Variants in RPS6KA5 observed in about 807,000 individuals in gnomAD.
The protein encoded by RPS6KA5 is ribosomal protein S6 kinase alpha-5.
In RPS6KA5, 27 loss-of-function variants were observed where a neutral mutation model predicts 85.5. The ratio of observed to expected loss-of-function variants is 0.32; its 90% CI spans 0.23 to 0.44. RPS6KA5 has a LOEUF of 0.44. Among genes scored for constraint, RPS6KA5 ranks in the 20% least tolerant of loss-of-function variants. The pLI, the probability that RPS6KA5 is intolerant of heterozygous loss-of-function variation, is 1.00. For synonymous variants in RPS6KA5, 334 were observed against 348.2 expected (o/e 0.96, Z 0.46); for missense variants, 811 against 980.9 (o/e 0.83, Z 2.31).
At chr14:90,952,796 G>A (rs1405088032) in intron 3 of RPS6KA5, among the ~76,000 whole-genome samples, 1 of 152,214 alleles carries the variant, frequency 6.6e-6, no homozygotes, top group Non-Finnish European at 1.5e-5. Context: ...GGGTAGGGAA[G>A]ATAATTTATC....
chr14:91,030,347 C>T (rs374600626), intron 1 of RPS6KA5, among the ~76,000 whole-genome samples: 8 of 151,932 alleles, frequency 5.3e-5, no homozygotes, highest in Admixed American at 2.6e-4. Context: ...AGTCTACACA[C>T]GCGCTGTTGG....
chr14:90,970,275 ACTGT>A (rs1164263480), intron 3 of RPS6KA5, among the ~76,000 whole-genome samples: 12 of 152,338 alleles, frequency 7.9e-5, no homozygotes, highest in East Asian at 7.7e-4. Flanking sequence ...GTTTTCAGTT[ACTGT>A]CTGTTTCGTC....
rs562360365 is a variant in RPS6KA5, at chr14:90,873,662, G to A, written c.2130C>T (p.Ala710=). ...AGGTTGCTTTCACACAGGTATGCAC[G>A]GCAGCTCCGGAAGATCCTAGAATAT... ...TPDILGSSGA[A]VHTCVKATFH... is the part of the protein sequence containing the mutation. Residue 710 remains alanine (A), a synonymous_variant, in exon 16 of 17, where the codon GCC becomes GCT. Transcript: ENST00000614987. 40 of 1,613,996 alleles carry A rather than the reference G, an allele frequency of 2.5e-5. No homozygotes were observed. The highest frequency in any genetic ancestry group is 3.3e-5 in the Non-Finnish European group (39 of 1,180,008).
intron 1 of RPS6KA5, among the ~76,000 whole-genome samples, chr14:91,034,345 T>G (rs1452872215): frequency 1.3e-5 from 2 of 151,830 alleles, no homozygotes; most frequent in Non-Finnish European, 2.9e-5. Flanking sequence ...CCCAAAATAT[T>G]CATATTATTC....
intron 1 of RPS6KA5, among the ~76,000 whole-genome samples, chr14:91,059,102 C>A (rs918083620): frequency 1.3e-5 from 2 of 152,048 alleles, no homozygotes; most frequent in African/African-American, 2.4e-5. Context: ...CCGAGGCGGG[C>A]GGATCACTTG....
chr14:91,034,379 G>T (rs536549199), intron 1 of RPS6KA5, among the ~76,000 whole-genome samples: 1 of 152,044 alleles, frequency 6.6e-6, no homozygotes, highest in African/African-American at 2.4e-5. Flanking sequence ...GTGATGAGAG[G>T]TGAAGCCAGC....
intron 1 of RPS6KA5, among the ~76,000 whole-genome samples, chr14:91,051,798 A>C (rs991708686): frequency 6.8e-6 from 1 of 146,686 alleles, no homozygotes; most frequent in South Asian, 2.1e-4. Context: ...CGAAAGATTT[A>C]AAAAAAAAAG....
chr14:91,051,901 A>C (rs771805262), intron 1 of RPS6KA5, among the ~76,000 whole-genome samples: 2 of 151,210 alleles, frequency 1.3e-5, no homozygotes, highest in African/African-American at 2.4e-5. Flanking sequence ...CTTCATACTC[A>C]GTGGTAGAAG....
At chr14:91,042,437 G>A (rs1686381638) in intron 1 of RPS6KA5, among the ~76,000 whole-genome samples, 1 of 152,056 alleles carries the variant, frequency 6.6e-6, no homozygotes, top group African/African-American at 2.4e-5. Flanking sequence ...CTTAAACCTG[G>A]GAGGCAGAGG....
chr14:90,920,537 G>A (rs1415932153), intron 6 of RPS6KA5, among the ~76,000 whole-genome samples: 2 of 151,666 alleles, frequency 1.3e-5, no homozygotes, highest in South Asian at 2.1e-4. Flanking sequence ...ACTAGTAACC[G>A]TTTACCTTGA....
At chr14:90,942,660 G>T (rs76025802) in intron 5 of RPS6KA5, among the ~76,000 whole-genome samples, 17 of 152,010 alleles carry the variant, frequency 1.1e-4, no homozygotes, top group African/African-American at 4.1e-4. Flanking sequence ...CTTGTCAAGC[G>T]AATTCAAAGG....
chr14:90,851,544 T>G lies in RPS6KA5; in HGVS notation c.*20530A>C, dbSNP rs2031998236. 6.6e-6 allele frequency: 1 copy of G among 152,100 alleles called. No homozygotes were observed. Among genetic ancestry groups the G allele is most frequent in the African/African-American group, 2.4e-5 (1 of 41,402 alleles). The allele number at this position is 152,100 out of a possible 1,614,324, so 9.4% of individuals were successfully genotyped here. A position where few individuals can be genotyped will look rare whatever the true frequency, so the allele number is the denominator to read the frequency against. ...TGGAGGCAAAGGGAGGCTGAGTGAT[T>G]TGCTCAGGGTCACCAAGTCTGCAGC... On this transcript the variant is annotated 3_prime_UTR_variant, in exon 17 of 17. Coordinates refer to ENST00000614987, the MANE Select transcript of RPS6KA5 (RefSeq NM_004755.4).
chr14:90,956,797 T>G (rs1241634895), intron 3 of RPS6KA5, among the ~76,000 whole-genome samples: 1 of 151,994 alleles, frequency 6.6e-6, no homozygotes, highest in Non-Finnish European at 1.5e-5. Flanking sequence ...TATATCTATA[T>G]TCTCTTCCCC....
intron 13 of RPS6KA5, 50 bp downstream of exon 13, chr14:90,894,363 T>C (rs752693604): frequency 2.7e-6 from 4 of 1,459,842 alleles, no homozygotes; most frequent in Non-Finnish European, 3.7e-6. Context: ...TGGGAGATCT[T>C]TAATAATGGT....
intron 2 of RPS6KA5, among the ~76,000 whole-genome samples, chr14:91,000,474 C>T (rs1410863577): frequency 1.3e-5 from 2 of 152,164 alleles, no homozygotes; most frequent in Non-Finnish European, 2.9e-5. Flanking sequence ...ATCTAACAAG[C>T]ACTCTATCAA....
chr14:90,975,878 A>C (rs1377068181), intron 3 of RPS6KA5, among the ~76,000 whole-genome samples: 1 of 152,234 alleles, frequency 6.6e-6, no homozygotes, highest in Non-Finnish European at 1.5e-5. Context: ...TGTGAACAGA[A>C]GATAGAAGGG....
intron 1 of RPS6KA5, among the ~76,000 whole-genome samples, chr14:91,044,421 GAAAGAAAGAAAGAAAGAA>G: frequency 8.5e-6 from 1 of 116,990 alleles, no homozygotes; most frequent in Admixed American, 8.8e-5. Context: ...AAGAAAGAAA[GAAAGAAAGAAAGAAAGAA>G]AGAAAGAAAA....
intron 12 of RPS6KA5, among the ~76,000 whole-genome samples, chr14:90,895,543 CTCT>C (rs1442824000): frequency 2.6e-5 from 4 of 152,130 alleles, no homozygotes; most frequent in Admixed American, 6.6e-5. Context: ...ACCATCCTTT[CTCT>C]TCTTCTCCAC....
intron 14 of RPS6KA5, among the ~76,000 whole-genome samples, chr14:90,884,733 T>C (rs1049813774): frequency 1.3e-5 from 2 of 152,210 alleles, no homozygotes; most frequent in Admixed American, 6.5e-5. Flanking sequence ...TTGATGAACA[T>C]TGGGTTGTTT....
Sources: gnomAD v4.1 joint callset for allele counts (sites outside exome capture counted in the v4.1 genomes callset) on GRCh38, gnomAD v4.1.1 for gene constraint, MANE v1.5 for transcripts, NCBI Gene and HGNC (gene_info 2026-07-23, HGNC 2026-07-21) for gene names.